CGNL1: variants seen among roughly 807,000 people sequenced by gnomAD.
The protein encoded by CGNL1 is cingulin-like protein 1.
Under a neutral mutation model 141.2 loss-of-function variants are expected in CGNL1, and 132 were observed. The observed-to-expected ratio is 0.93, with a 90% CI of 0.81 to 1.08. The LOEUF (loss-of-function observed/expected upper bound fraction) is 1.08, where lower values mean the gene tolerates loss of function less well. Among genes scored for constraint, CGNL1 ranks in the 50% least tolerant of loss-of-function variants. CGNL1 has a pLI of 0.00. For missense variants in CGNL1, 1,870 were observed against 1,588.6 expected (o/e 1.18, Z -3.01); for synonymous variants, 690 against 622.1 (o/e 1.11, Z -1.63).
intron 1 of CGNL1, among the ~76,000 whole-genome samples, chr15:57,436,838 A>G (rs2063111871): frequency 6.6e-6 from 1 of 152,192 alleles, no homozygotes. Flanking sequence ...CAAGAAATAG[A>G]AGAAAACACA....
rs1435275539 is a variant in CGNL1 at position 57,438,057 on chromosome 15, A to C, written c.58A>C (p.Arg20=). Residue 20 remains arginine (R), a synonymous_variant, in exon 2 of 19, where the codon AGA becomes CGA. Coordinates refer to ENST00000281282, the MANE Select transcript of CGNL1 (RefSeq NM_032866.5). ...GCAGCAGGAATATGGGGTCCATCTG[A>C]GACTCGCAAGTGATGATACCCAAAA... is the stretch of plus-strand genomic sequence containing the variant. ...HVQQEYGVHL[R]LASDDTQKSR... 1 of 1,614,012 alleles carries C rather than the reference A, an allele frequency of 6.2e-7. No individual in the cohort carries two copies. Among genetic ancestry groups the C allele is most frequent in the Non-Finnish European group, 8.5e-7 (1 of 1,179,990 alleles).
chr15:57,521,198 A>G (rs1406156172), intron 10 of CGNL1, among the ~76,000 whole-genome samples: 1 of 152,008 alleles, frequency 6.6e-6, no homozygotes, highest in Non-Finnish European at 1.5e-5. Context: ...TGAATTTGGG[A>G]CGTTTTCTCA....
At chr15:57,544,836 G>A (rs190003935) in intron 16 of CGNL1, among the ~76,000 whole-genome samples, 2 of 152,188 alleles carry the variant, frequency 1.3e-5, no homozygotes, top group Non-Finnish European at 2.9e-5. Context: ...AAAAGTTTAG[G>A]ACCCCCACTT....
At chr15:57,414,090 T>A (rs1480684141) in intron 1 of CGNL1, among the ~76,000 whole-genome samples, 1 of 152,238 alleles carries the variant, frequency 6.6e-6, no homozygotes, top group Non-Finnish European at 1.5e-5. Flanking sequence ...ATCTGGCTGC[T>A]GTTTTTTGTA....
intron 1 of CGNL1, among the ~76,000 whole-genome samples, chr15:57,387,321 T>G (rs375707225): frequency 2.0e-5 from 3 of 152,202 alleles, no homozygotes; most frequent in East Asian, 3.8e-4. Flanking sequence ...ACCCCAAGCC[T>G]CAGTGTCATC....
chr15:57,405,845 T>C (rs1199512874), intron 1 of CGNL1: 2 of 145,984 alleles, frequency 1.4e-5, no homozygotes, highest in Admixed American at 1.4e-4. Context: ...TCTTTTCTTT[T>C]TCTTTCTTTT....
intron 8 of CGNL1, among the ~76,000 whole-genome samples, chr15:57,511,501 G>A (rs545145068): frequency 1.4e-3 from 207 of 152,244 alleles, no homozygotes; most frequent in Non-Finnish European, 2.5e-3. Flanking sequence ...AAGTTTCTGG[G>A]TCAAAAGAAA....
intron 1 of CGNL1, among the ~76,000 whole-genome samples, chr15:57,420,658 A>C (rs2062904297): frequency 6.6e-6 from 1 of 152,170 alleles, no homozygotes; most frequent in Non-Finnish European, 1.5e-5. Context: ...TACAGATTCC[A>C]CTCATTTCTG....
At chr15:57,521,756 C>T (rs1448233351) in intron 10 of CGNL1, among the ~76,000 whole-genome samples, 4 of 152,090 alleles carry the variant, frequency 2.6e-5, no homozygotes, top group East Asian at 3.9e-4. Context: ...AATGCATGCA[C>T]GAACCACATG....
intron 1 of CGNL1, among the ~76,000 whole-genome samples, chr15:57,434,817 A>G (rs1470277288): frequency 1.3e-5 from 2 of 152,228 alleles, no homozygotes; most frequent in African/African-American, 4.8e-5. Context: ...TAGAATAAAG[A>G]CATTTTTCAA....
intron 8 of CGNL1, among the ~76,000 whole-genome samples, chr15:57,487,561 G>C (rs1190335916): frequency 3.3e-5 from 5 of 152,148 alleles, no homozygotes; most frequent in African/African-American, 1.2e-4. Context: ...GTTACCAAAT[G>C]AATCTATATA....
intron 10 of CGNL1, among the ~76,000 whole-genome samples, chr15:57,522,312 T>C (rs543691587): frequency 1.3e-5 from 2 of 152,234 alleles, no homozygotes; most frequent in East Asian, 3.8e-4. Flanking sequence ...CCACATCACA[T>C]GGTTGGCAGA....
intron 8 of CGNL1, among the ~76,000 whole-genome samples, chr15:57,481,378 C>A (rs1214643101): frequency 1.3e-5 from 2 of 152,074 alleles, no homozygotes; most frequent in East Asian, 3.9e-4. Context: ...AACTAGTGTA[C>A]TTCTCTCTGG....
intron 1 of CGNL1, among the ~76,000 whole-genome samples, chr15:57,391,520 T>C (rs2062543032): frequency 2.0e-5 from 3 of 152,188 alleles, no homozygotes; most frequent in African/African-American, 4.8e-5. Flanking sequence ...AGTGTGGGAT[T>C]ATAAATTCAC....
chr15:57,421,193 C>T (rs1346192708), intron 1 of CGNL1, among the ~76,000 whole-genome samples: 2 of 152,152 alleles, frequency 1.3e-5, no homozygotes, highest in African/African-American at 4.8e-5. Flanking sequence ...GGAAGAGAGC[C>T]CTCACCAGGA....
chr15:57,436,498 G>A (rs991300924), intron 1 of CGNL1, among the ~76,000 whole-genome samples: 1 of 152,148 alleles, frequency 6.6e-6, no homozygotes, highest in Non-Finnish European at 1.5e-5. Context: ...TTCAGTCCTA[G>A]ACTTCCTATC....
chr15:57,392,817 A>G (rs543403398), intron 1 of CGNL1, among the ~76,000 whole-genome samples: 10 of 152,348 alleles, frequency 6.6e-5, no homozygotes, highest in South Asian at 6.2e-4. Context: ...TACTAAGTGT[A>G]GAATGAACAG....
At position 57,440,369 on chromosome 15, in the gene CGNL1, T is replaced by A. The variant is rs748323441; in HGVS notation, c.1603-8T>A. ...CCTCATGGTCTAACAACAGGCCTTA[T>A]GTTCCAGGCCACACCGGATCTCTTA... On this transcript the variant is annotated splice_polypyrimidine_tract_variant and splice_region_variant and intron_variant, in intron 2 of 18. Transcript: ENST00000281282. 1 of 1,589,568 alleles carries A rather than the reference T, an allele frequency of 6.3e-7. No homozygotes were observed. Among genetic ancestry groups the A allele is most frequent in the Non-Finnish European group, 8.6e-7 (1 of 1,165,434 alleles).
intron 8 of CGNL1, among the ~76,000 whole-genome samples, chr15:57,479,174 C>T (rs1452036181): frequency 2.0e-5 from 3 of 152,160 alleles, no homozygotes; most frequent in Non-Finnish European, 2.9e-5. Flanking sequence ...CACCTTTATC[C>T]AGCCAACAAA....
Sources: gnomAD v4.1 joint callset for allele counts (sites outside exome capture counted in the v4.1 genomes callset) on GRCh38, gnomAD v4.1.1 for gene constraint, MANE v1.5 for transcripts, NCBI Gene and HGNC (gene_info 2026-07-23, HGNC 2026-07-21) for gene names.